Variants in MVB12B observed in about 807,000 individuals in gnomAD.
The protein encoded by MVB12B is multivesicular body subunit 12B.
Under a neutral mutation model 41.6 loss-of-function variants are expected in MVB12B, and 16 were observed. The ratio of observed to expected loss-of-function variants is 0.38; its 90% confidence interval spans 0.26 to 0.58. The LOEUF (loss-of-function observed/expected upper bound fraction) is 0.58, where lower values mean the gene tolerates loss of function less well. Ranked by LOEUF, MVB12B falls within the 20% of genes least tolerant of loss-of-function variation. MVB12B has a pLI of 0.62. For synonymous variants in MVB12B, 133 were observed against 139.7 expected (o/e 0.95, Z 0.34); for missense variants, 274 against 380.2 (o/e 0.72, Z 2.32).
intron 7 of MVB12B, among the ~76,000 whole-genome samples, chr9:126,446,979 C>G (rs1299711828): frequency 8.6e-6 from 1 of 116,420 alleles, no homozygotes; most frequent in Non-Finnish European, 1.6e-5. Flanking sequence ...ATGTCTCACT[C>G]TGTTGTCCAG....
intron 4 of MVB12B, among the ~76,000 whole-genome samples, chr9:126,390,626 A>T (rs952694774): frequency 1.3e-5 from 2 of 152,232 alleles, no homozygotes; most frequent in Admixed American, 1.3e-4. Flanking sequence ...TAGTTGATGA[A>T]GGAAAGTTAT....
At position 126,491,916 on chromosome 9, in the gene MVB12B, A is replaced by G. The variant is rs576497408; in HGVS notation, c.873+7884A>G. 2.0e-5 allele frequency among the ~76,000 whole-genome samples: 3 copies of G among 152,258 alleles called. No individual in the cohort carries two copies. In the South Asian group the frequency reaches 6.2e-4, roughly 32 times the overall value. On this transcript the variant is annotated intron_variant, in intron 9 of 9. Transcript: ENST00000361171. ...CGCAGGAATCAGTTTTATGCCACAG[A>G]CAAGATTAATTATCTTCCCATAAAT...
intron 7 of MVB12B, among the ~76,000 whole-genome samples, chr9:126,431,362 G>A (rs562578920): frequency 6.6e-6 from 1 of 152,326 alleles, no homozygotes; most frequent in East Asian, 1.9e-4. Flanking sequence ...AGGAAGGAGA[G>A]AAGTGCTTGG....
At position 126,505,315 on chromosome 9, in the gene MVB12B, A is replaced by T. The variant is rs1333978656; in HGVS notation, c.*2052A>T. On this transcript the variant is annotated 3_prime_UTR_variant, in exon 10 of 10. Coordinates refer to ENST00000361171, the MANE Select transcript of MVB12B (RefSeq NM_033446.3). ...TAAGCAGTGAGGGCGGCTGCAGGAG[A>T]GGAAGGGGCTCCCACAGCCCCCACT... 1 of 152,074 alleles carries T rather than the reference A, an allele frequency of 6.6e-6. No homozygotes were observed. Among genetic ancestry groups the T allele is most frequent in the East Asian group, 1.9e-4 (1 of 5,168 alleles). 9.4% of individuals were successfully genotyped at this position (152,074 alleles called of 1,614,324 possible). A position where few individuals can be genotyped will look rare whatever the true frequency, so the allele number is the denominator to read the frequency against.
chr9:126,422,424 G>A (rs940305870), intron 7 of MVB12B, among the ~76,000 whole-genome samples: 5 of 152,134 alleles, frequency 3.3e-5, no homozygotes, highest in African/African-American at 9.7e-5. Flanking sequence ...TTCTGAACTC[G>A]GCCTTGAAAT....
chr9:126,379,389 G>A (rs978276349), intron 2 of MVB12B, among the ~76,000 whole-genome samples: 2 of 152,016 alleles, frequency 1.3e-5, no homozygotes, highest in African/African-American at 2.4e-5. Context: ...GAGAAAACAA[G>A]CATAGGGGGT....
chr9:126,477,112 C>T (rs1346777202), intron 7 of MVB12B, among the ~76,000 whole-genome samples: 1 of 152,066 alleles, frequency 6.6e-6, no homozygotes, highest in African/African-American at 2.4e-5. Context: ...CCCCAGGAAG[C>T]TTCCAGTCAT....
intron 7 of MVB12B, among the ~76,000 whole-genome samples, chr9:126,446,940 T>C (rs1588180125): frequency 3.9e-4 from 2 of 5,074 alleles, no homozygotes; most frequent in African/African-American, 1.3e-3. Flanking sequence ...TTAACTTTCT[T>C]TTTTTTTTTT....
chr9:126,354,336 T>C (rs537147460), intron 2 of MVB12B, among the ~76,000 whole-genome samples: 5 of 152,224 alleles, frequency 3.3e-5, no homozygotes, highest in Non-Finnish European at 7.3e-5. Context: ...TTTTGTTTCG[T>C]TTTTATGTAA....
intron 9 of MVB12B, among the ~76,000 whole-genome samples, chr9:126,492,579 C>T (rs531427281): frequency 7.9e-5 from 12 of 152,310 alleles, no homozygotes; most frequent in South Asian, 2.1e-4. Flanking sequence ...CAGTGGCTCA[C>T]GCCTGTAATC....
chr9:126,335,992 G>A (rs571783676), intron 1 of MVB12B, among the ~76,000 whole-genome samples: 2 of 152,390 alleles, frequency 1.3e-5, no homozygotes, highest in South Asian at 2.1e-4. Context: ...GGCTGGCGCC[G>A]CTTCTGAGCT....
intron 9 of MVB12B, among the ~76,000 whole-genome samples, chr9:126,484,523 CCTT>C (rs35371157): frequency 0.65 from 66,255 of 101,824 alleles, 17,429 homozygotes; most frequent in East Asian, 0.73. Flanking sequence ...GGTCAGGGTA[CCTT>C]CTTCCACTGT....
chr9:126,410,163 GTGT>G, intron 6 of MVB12B, among the ~76,000 whole-genome samples: 1 of 151,792 alleles, frequency 6.6e-6, no homozygotes, highest in African/African-American at 2.4e-5. Context: ...GTGTGTGTGT[GTGT>G]GTGTGTGCAC....
intron 6 of MVB12B, chr9:126,396,665 C>T: frequency 1.0e-6 from 1 of 985,474 alleles, no homozygotes; most frequent in Non-Finnish European, 1.2e-6. Context: ...AATGAGGCTC[C>T]AAAGCCCTGA....
Position 126,392,265 on chromosome 9 carries a change from A to G in MVB12B, c.539+70A>G. ...AGCACTCAGGCCACTCCAGGCAATG[A>G]GGTCCAAGAGATTTCCATGCAGCCC... is the stretch of plus-strand genomic sequence containing the variant. On this transcript the variant is annotated intron_variant, in intron 5 of 9. Transcript: ENST00000361171. This position sits in a 1 kb window ranked among gnomAD's most constrained non-coding sequence, Gnocchi z 4.8. The G allele has an allele frequency of 1.9e-6, 3 of 1,568,662 alleles. No homozygotes were observed. The highest frequency in any genetic ancestry group is 2.6e-6 in the Non-Finnish European group (3 of 1,145,794).
At chr9:126,368,005 GGC>G (rs1396336818) in intron 2 of MVB12B, among the ~76,000 whole-genome samples, 1 of 152,206 alleles carries the variant, frequency 6.6e-6, no homozygotes, top group Non-Finnish European at 1.5e-5. Flanking sequence ...TAGTGATGAT[GGC>G]ACATGCTGGG....
chr9:126,387,212 T>C (rs1830821278), intron 4 of MVB12B, among the ~76,000 whole-genome samples: 1 of 152,186 alleles, frequency 6.6e-6, no homozygotes, highest in African/African-American at 2.4e-5. Context: ...TTCAGGGTGT[T>C]GGAGCCCTTG....
intron 9 of MVB12B, among the ~76,000 whole-genome samples, chr9:126,488,864 C>T (rs993416147): frequency 6.6e-6 from 1 of 152,194 alleles, no homozygotes; most frequent in Non-Finnish European, 1.5e-5. Context: ...TGCCACCATT[C>T]GGCTTCAGGG....
At chr9:126,404,433 C>T (rs759779888) in intron 6 of MVB12B, among the ~76,000 whole-genome samples, 15 of 152,194 alleles carry the variant, frequency 9.9e-5, no homozygotes, top group Non-Finnish European at 1.6e-4. Flanking sequence ...CAGACTGTCA[C>T]GAGGCCCCCA....
Sources: gnomAD v4.1 joint callset for allele counts (sites outside exome capture counted in the v4.1 genomes callset) on GRCh38, gnomAD v4.1.1 for gene constraint, Gnocchi (gnomAD v3.1) non-coding constraint, MANE v1.5 for transcripts, NCBI Gene and HGNC (gene_info 2026-07-23, HGNC 2026-07-21) for gene names.